SULF1: variants seen among roughly 807,000 people sequenced by gnomAD.
The protein encoded by SULF1 is sulfatase 1.
In SULF1, 46 loss-of-function variants were observed where a neutral mutation model predicts 110.5. That is an observed-to-expected ratio of 0.42 (90% CI 0.33 to 0.53). The LOEUF (loss-of-function observed/expected upper bound fraction) is 0.53, where lower values mean the gene tolerates loss of function less well. SULF1 is among the 20% of genes least tolerant of loss of function. The pLI, the probability that SULF1 is intolerant of heterozygous loss-of-function variation, is 0.12. For missense variants in SULF1, 941 were observed against 1,094.2 expected (o/e 0.86, Z 1.98); for synonymous variants, 371 against 387.1 (o/e 0.96, Z 0.49).
intron 3 of SULF1, among the ~76,000 whole-genome samples, chr8:69,550,097 C>T (rs1814584452): frequency 6.6e-6 from 1 of 151,250 alleles, no homozygotes; most frequent in South Asian, 2.1e-4. Flanking sequence ...ATTAATTTTT[C>T]CAGTTTGAAA....
At chr8:69,612,387 C>T (rs769846404) in intron 13 of SULF1, among the ~76,000 whole-genome samples, 1 of 152,252 alleles carries the variant, frequency 6.6e-6, no homozygotes, top group East Asian at 1.9e-4. Flanking sequence ...ATTGCTGGAT[C>T]GAATGGCGGT....
At position 69,625,650 on chromosome 8, in the gene SULF1, G is replaced by A. The variant is rs146179359; in HGVS notation, c.1850+1453G>A. 3.3e-3 allele frequency among the ~76,000 whole-genome samples: 502 copies of A among 152,300 alleles called. 1 individual carries two copies. The highest frequency in any genetic ancestry group is 0.012 in the African/African-American group (481 of 41,560). ...TTCCTCCCAGTGGGCTCGTGGTCTC[G>A]CTGGGCTCAGGAGTGAAGCTACAGA... On this transcript the variant is annotated intron_variant, in intron 15 of 22. Coordinates refer to ENST00000402687, the MANE Select transcript of SULF1 (RefSeq NM_001128205.2).
intron 8 of SULF1, among the ~76,000 whole-genome samples, chr8:69,594,799 T>G (rs1452733706): frequency 6.6e-6 from 1 of 152,216 alleles, no homozygotes; most frequent in Admixed American, 6.5e-5. Context: ...CATTTACTAC[T>G]TATACTGTCA....
In SULF1 at chr8:69,601,786, G is replaced by A. The variant is rs772332200; in HGVS notation, c.1018G>A (p.Val340Met). The stretch of plus-strand genomic sequence containing the variant: ...CATGCCATATGACTTTGATATTCGT[G>A]TGCCTTTTTTTATTCGTGGTCCAAG... ...KSMPYDFDIRVPFFIRGPSVE... is the reference protein window; with the variant it reads ...KSMPYDFDIRMPFFIRGPSVE... Residue 340 changes from valine (V) to methionine (M), a missense_variant, in exon 10 of 23, where the codon GTG becomes ATG. Physicochemically the swap from Val to Met is conservative, Grantham distance 21. Coordinates refer to ENST00000402687, the MANE Select transcript of SULF1 (RefSeq NM_001128205.2). 6 of 1,611,224 alleles carry A rather than the reference G, an allele frequency of 3.7e-6. No homozygotes were observed. The Admixed American group carries it at 1.0e-4, about 27-fold the overall frequency.
chr8:69,528,590 G>A (rs994924749), intron 3 of SULF1, among the ~76,000 whole-genome samples: 2 of 152,070 alleles, frequency 1.3e-5, no homozygotes, highest in South Asian at 2.1e-4. Context: ...CTAAAATTTC[G>A]CTTTTATAAA....
intron 1 of SULF1, among the ~76,000 whole-genome samples, chr8:69,467,501 A>AC (rs1355146782): frequency 1.3e-5 from 2 of 152,182 alleles, no homozygotes; most frequent in Non-Finnish European, 2.9e-5. Flanking sequence ...AGAAGGGGCT[A>AC]CCCTCTGAAC....
intron 3 of SULF1, among the ~76,000 whole-genome samples, chr8:69,514,737 C>G (rs1456860463): frequency 6.6e-6 from 1 of 152,150 alleles, no homozygotes; most frequent in African/African-American, 2.4e-5. Context: ...AAGATACAGC[C>G]AGGGTACAGG....
At chr8:69,617,111 C>T (rs1467484159) in intron 13 of SULF1, among the ~76,000 whole-genome samples, 20 of 151,964 alleles carry the variant, frequency 1.3e-4, no homozygotes, top group Admixed American at 1.1e-3. Context: ...TGCAAAGTTA[C>T]GAAAAGTTAT....
intron 3 of SULF1, among the ~76,000 whole-genome samples, chr8:69,523,469 C>A (rs1028807455): frequency 3.7e-4 from 56 of 152,074 alleles, no homozygotes; most frequent in African/African-American, 1.2e-3. Flanking sequence ...CTTTGAAGTT[C>A]ATGGCACTGA....
intron 13 of SULF1, among the ~76,000 whole-genome samples, chr8:69,606,737 T>C (rs1468127889): frequency 2.0e-5 from 3 of 152,210 alleles, no homozygotes; most frequent in African/African-American, 7.2e-5. Context: ...GTTACAAACT[T>C]AATTTTGCTT....
chr8:69,473,047 C>T (rs920711721), intron 1 of SULF1, among the ~76,000 whole-genome samples: 2 of 151,804 alleles, frequency 1.3e-5, no homozygotes, highest in Non-Finnish European at 2.9e-5. Context: ...ACTATGGTAC[C>T]CAGGCTGGTC....
intron 3 of SULF1, among the ~76,000 whole-genome samples, chr8:69,535,994 A>G (rs4737986): frequency 0.78 from 118,565 of 151,320 alleles, 47,187 homozygotes; most frequent in African/African-American, 0.94. Context: ...CTCCAGCCCC[A>G]GCAAAAATAC....
intron 1 of SULF1, among the ~76,000 whole-genome samples, chr8:69,483,323 G>T (rs1809581733): frequency 6.6e-6 from 1 of 152,080 alleles, no homozygotes; most frequent in South Asian, 2.1e-4. Context: ...ATTGCAAACT[G>T]TTTTCACTGA....
chr8:69,577,943 A>G (rs776766312), intron 6 of SULF1, among the ~76,000 whole-genome samples: 1 of 152,208 alleles, frequency 6.6e-6, no homozygotes, highest in Non-Finnish European at 1.5e-5. Context: ...TACAGACTTT[A>G]GAAGCTACAG....
intron 22 of SULF1, among the ~76,000 whole-genome samples, chr8:69,652,235 A>G (rs1340653311): frequency 2.6e-5 from 4 of 151,936 alleles, no homozygotes; most frequent in Admixed American, 2.6e-4. Context: ...CCCCCACCCC[A>G]ATCTCAGGAT....
chr8:69,502,834 C>T (rs1323784363), intron 3 of SULF1, among the ~76,000 whole-genome samples: 2 of 151,728 alleles, frequency 1.3e-5, no homozygotes, highest in Non-Finnish European at 2.9e-5. Flanking sequence ...ATTACAGGCG[C>T]CTGCCACCAC....
At chr8:69,595,063 A>G (rs1807199956) in intron 8 of SULF1, among the ~76,000 whole-genome samples, 1 of 152,232 alleles carries the variant, frequency 6.6e-6, no homozygotes, top group African/African-American at 2.4e-5. Flanking sequence ...CTGACATGAA[A>G]ACATTTTAAA....
intron 3 of SULF1, among the ~76,000 whole-genome samples, chr8:69,517,652 T>G (rs1213039007): frequency 6.6e-6 from 1 of 152,154 alleles, no homozygotes; most frequent in East Asian, 1.9e-4. Context: ...TCCTGGGGAC[T>G]TCAAACAGTA....
chr8:69,579,178 A>G (rs1805872262), intron 6 of SULF1, among the ~76,000 whole-genome samples: 1 of 151,228 alleles, frequency 6.6e-6, no homozygotes, highest in Non-Finnish European at 1.5e-5. Flanking sequence ...AAAAAAAAAA[A>G]AAGGAAAGAA....
Sources: gnomAD v4.1 joint callset for allele counts (sites outside exome capture counted in the v4.1 genomes callset) on GRCh38, gnomAD v4.1.1 for gene constraint, MANE v1.5 for transcripts, NCBI Gene and HGNC (gene_info 2026-07-23, HGNC 2026-07-21) for gene names.